PCDHGA6: variants seen among roughly 807,000 people sequenced by gnomAD.
The protein encoded by PCDHGA6 is protocadherin gamma-A6.
In PCDHGA6, 41 loss-of-function variants were observed where a neutral mutation model predicts 60.6. That is an observed-to-expected ratio of 0.68 (90% CI 0.53 to 0.88). The LOEUF is 0.88. PCDHGA6 is among the 40% of genes least tolerant of loss of function. PCDHGA6 has a pLI of 0.00. For missense variants in PCDHGA6, 1,312 were observed against 1,203.0 expected, an observed-to-expected ratio of 1.09 and a Z score of -1.34; for synonymous variants, 594 against 524.4, an observed-to-expected ratio of 1.13 and a Z score of -1.81.
At chr5:141,482,801 G>C (rs1230060558) in intron 1 of PCDHGA6, among the ~76,000 whole-genome samples, 1 of 152,176 alleles carries the variant, frequency 6.6e-6, no homozygotes, top group African/African-American at 2.4e-5. Flanking sequence ...GCCGGGTACG[G>C]TGGCTCATGC....
At chr5:141,390,447 G>C (rs941574561) in intron 1 of PCDHGA6, 12 of 843,730 alleles carry the variant, frequency 1.4e-5, no homozygotes, top group Admixed American at 2.9e-5. Flanking sequence ...TACAAAGGAG[G>C]AGTAAAGTAG....
rs148331367 is a variant in PCDHGA6 at position 141,435,055 on chromosome 5, A to C, written c.2424+58548A>C. ...TTTATTTTTTTCCCATTGACCATGC[A>C]GCAGTTTTGTGTAGACCGTCTGATA... On this transcript the variant is annotated intron_variant, in intron 1 of 3. Transcript: ENST00000517434. Among the ~76,000 whole-genome samples, 21 of 152,242 alleles carry C rather than the reference A, an allele frequency of 1.4e-4. No individual in the cohort carries two copies. The East Asian group carries it at 4.0e-3, about 29-fold the overall frequency.
intron 1 of PCDHGA6, chr5:141,388,544 A>C (rs755878131): frequency 5.6e-6 from 9 of 1,613,654 alleles, no homozygotes; most frequent in Non-Finnish European, 6.8e-6. Flanking sequence ...TTGGAGCTCC[A>C]CCCCTAAGCA....
chr5:141,491,901 G>C lies in PCDHGA6; in HGVS notation c.2425-2906G>C, dbSNP rs1196717010. 1 of 1,429,696 alleles carries C rather than the reference G, an allele frequency of 7.0e-7. No homozygotes were observed. The highest frequency in any genetic ancestry group is 9.3e-7 in the Non-Finnish European group (1 of 1,080,148). 88.6% of individuals were successfully genotyped at this position (1,429,696 alleles called of 1,614,324 possible). ...AAGGGATGGGGCTCCGAGCACCGGG[G>C]GTGGTGGCGACTGTGGGCGAGGGGA... On this transcript the variant is annotated intron_variant, in intron 1 of 3. Transcript: ENST00000517434. The surrounding 1 kb of genome is among the most constrained non-coding windows in gnomAD (Gnocchi z 6.9).
intron 1 of PCDHGA6, among the ~76,000 whole-genome samples, chr5:141,454,065 G>A (rs1167102666): frequency 1.3e-5 from 2 of 152,204 alleles, no homozygotes; most frequent in Non-Finnish European, 2.9e-5. Flanking sequence ...AGAAACAAAA[G>A]TGATAATGTT....
chr5:141,426,970 A>G (rs772659046), intron 1 of PCDHGA6: 1 of 456,742 alleles, frequency 2.2e-6, no homozygotes. Context: ...ATTCAAATTG[A>G]GGTCACTGAT....
At chr5:141,496,768 A>G (rs997951321) in intron 2 of PCDHGA6, among the ~76,000 whole-genome samples, 10 of 152,260 alleles carry the variant, frequency 6.6e-5, no homozygotes, top group African/African-American at 2.4e-4. Context: ...TCGAGCATCT[A>G]CTATGAGCAG....
At chr5:141,398,392 A>AGG in intron 1 of PCDHGA6, 1 of 1,456,392 alleles carries the variant, frequency 6.9e-7, no homozygotes, top group Non-Finnish European at 9.5e-7. Flanking sequence ...TGTGAGCAGC[A>AGG]GGCTAGACAG....
Position 141,374,723 on chromosome 5 carries a change from G to T in PCDHGA6, c.640G>T (p.Ala214Ser), listed in dbSNP as rs771753373. ...AGCCGTTTACCGCCTGGTCCTTACT[G>T]CCATGGATGGCGGCGACCCTGTCCG... is the stretch of plus-strand genomic sequence containing the variant. ...GEAVYRLVLT[A>S]MDGGDPVRSS... The change falls in exon 1 of 4, where the codon GCC (alanine) becomes TCC (serine). Residue 214 changes from alanine (A) to serine (S), a missense_variant. By Grantham distance (99) the Ala-to-Ser change is moderately conservative. Transcript: ENST00000517434. 1 of 1,609,998 alleles carries T rather than the reference G, an allele frequency of 6.2e-7. No homozygotes were observed. Among genetic ancestry groups the T allele is most frequent in the South Asian group, 1.1e-5 (1 of 90,540 alleles).
At chr5:141,481,638 T>G (rs1465682432) in intron 1 of PCDHGA6, among the ~76,000 whole-genome samples, 1 of 152,014 alleles carries the variant, frequency 6.6e-6, no homozygotes, top group Admixed American at 6.6e-5. Context: ...GCCAACATGG[T>G]GAAACTTCAT....
At chr5:141,421,972 C>T (rs764728654) in intron 1 of PCDHGA6, 2 of 1,609,892 alleles carry the variant, frequency 1.2e-6, no homozygotes, top group African/African-American at 2.7e-5. Context: ...GTCCGTATAT[C>T]GCGTGAGTGT....
intron 1 of PCDHGA6, chr5:141,413,192 A>G: frequency 1.2e-6 from 2 of 1,607,816 alleles, no homozygotes; most frequent in South Asian, 2.2e-5. Context: ...GCTCAAAGGA[A>G]TCGCTCAAAG....
chr5:141,421,476 C>A, intron 1 of PCDHGA6: 2 of 1,614,158 alleles, frequency 1.2e-6, no homozygotes, highest in Non-Finnish European at 1.7e-6. Context: ...CGCGAAGCGG[C>A]AGCTTGATCA....
At chr5:141,474,758 C>T (rs2099354200) in intron 1 of PCDHGA6, among the ~76,000 whole-genome samples, 1 of 152,210 alleles carries the variant, frequency 6.6e-6, no homozygotes, top group Non-Finnish European at 1.5e-5. Flanking sequence ...GACAAATATA[C>T]AGAAATAGTA....
At chr5:141,409,351 G>A (rs756967611) in intron 1 of PCDHGA6, 7 of 1,613,982 alleles carry the variant, frequency 4.3e-6, no homozygotes, top group Non-Finnish European at 5.9e-6. Flanking sequence ...GAGAAGTCAG[G>A]TGTAATATAG....
intron 1 of PCDHGA6, chr5:141,427,818 G>T: frequency 6.5e-7 from 1 of 1,530,644 alleles, no homozygotes; most frequent in Non-Finnish European, 9.0e-7. Flanking sequence ...GAGCGGGGTG[G>T]TGGTCGCGCA....
intron 1 of PCDHGA6, chr5:141,383,858 A>C (rs1368399969): frequency 1.2e-6 from 2 of 1,613,996 alleles, no homozygotes. Flanking sequence ...ATGGAGGTTC[A>C]GGCTCAAGAT....
Position 141,383,203 on chromosome 5 carries a change from T to A in PCDHGA6, c.2424+6696T>A, listed in dbSNP as rs755782697. The A allele has an allele frequency of 2.5e-6, 4 of 1,613,936 alleles. No homozygotes were observed. The highest frequency in any genetic ancestry group is 3.3e-5 in the Admixed American group (2 of 60,008). On this transcript the variant is annotated intron_variant, in intron 1 of 3. Coordinates refer to ENST00000517434, the MANE Select transcript of PCDHGA6 (RefSeq NM_018919.3). ...AGAGATCTGCGCTCAGAGTGCGCGGTGTCTGGTAAACTTTAACATCCTGAT... is the reference window on the plus strand; with the variant it reads ...AGAGATCTGCGCTCAGAGTGCGCGGAGTCTGGTAAACTTTAACATCCTGAT...
At chr5:141,414,497 A>C (rs757597548) in intron 1 of PCDHGA6, 4 of 1,613,922 alleles carry the variant, frequency 2.5e-6, no homozygotes, top group Non-Finnish European at 3.4e-6. Context: ...ACGGAAGCTC[A>C]CTTTATGCTA....
Sources: allele counts gnomAD v4.1 joint callset (sites outside exome capture counted in the v4.1 genomes callset), GRCh38; gene constraint gnomAD v4.1.1; non-coding constraint Gnocchi (gnomAD v3.1); transcripts MANE v1.5; gene names NCBI Gene and HGNC (gene_info 2026-07-23, HGNC 2026-07-21).